SPTBN5: variants seen among roughly 807,000 people sequenced by gnomAD.
SPTBN5 encodes spectrin beta chain, non-erythrocytic 5.
A neutral mutation model predicts 477.6 loss-of-function variants in SPTBN5; 513 were observed. That is an observed-to-expected ratio of 1.07 (90% confidence interval 1.00 to 1.16). The LOEUF (loss-of-function observed/expected upper bound fraction) is 1.16. SPTBN5 is among the 50% of genes most tolerant of loss of function. The pLI, the probability that SPTBN5 is intolerant of heterozygous loss-of-function variation, is 0.00. For synonymous variants in SPTBN5, 2,169 were observed against 2,011.7 expected (o/e 1.08, Z -2.09); for missense variants, 5,062 against 4,731.8 (o/e 1.07, Z -2.05).
chr15:41,881,333 C>A (rs2066945139), intron 12 of SPTBN5, 99 bp from the exon 13 acceptor site: 2 of 973,882 alleles, frequency 2.1e-6, no homozygotes, highest in Non-Finnish European at 3.0e-6. Flanking sequence ...CCTGGAGGCG[C>A]TGAGCTGTAG....
intron 32 of SPTBN5, 23 bp from the exon 33 acceptor site, chr15:41,868,624 A>G: frequency 6.3e-7 from 1 of 1,593,000 alleles, no homozygotes; most frequent in Non-Finnish European, 8.5e-7. Flanking sequence ...ACACGGAGGG[A>G]GAGCCGGGTG....
At chr15:41,890,041 G>A in intron 4 of SPTBN5, 48 bp downstream of exon 4, 1 of 1,299,972 alleles carries the variant, frequency 7.7e-7, no homozygotes, top group Non-Finnish European at 1.1e-6. Flanking sequence ...GGTGAGGCCA[G>A]GGCTGGGCTG....
chr15:41,851,476 A>G (rs1451033810), intron 63 of SPTBN5, 107 bp from the exon 64 acceptor site: 14 of 836,530 alleles, frequency 1.7e-5, no homozygotes, highest in Non-Finnish European at 2.4e-5. Context: ...AAAGCGGTGG[A>G]TTGGACCAAA....
chr15:41,858,019 G>A (rs1197673), intron 49 of SPTBN5, among the ~76,000 whole-genome samples: 43,309 of 152,232 alleles, frequency 0.28, 6,538 homozygotes, highest in Middle Eastern at 0.43. Context: ...GTGCTATGCT[G>A]GGCACAGTGG....
At chr15:41,861,187 C>T (rs2066094062) in intron 46 of SPTBN5, among the ~76,000 whole-genome samples, 2 of 152,322 alleles carry the variant, frequency 1.3e-5, no homozygotes, top group African/African-American at 2.4e-5. Context: ...CAGGCCCACA[C>T]AGGCACTCTA....
At position 41,853,729 on chromosome 15, in the gene SPTBN5, A is replaced by C. The variant is rs758239680; in HGVS notation, c.9833T>G (p.Leu3278Arg). The C allele has an allele frequency of 6.3e-7, 1 of 1,590,130 alleles. No individual in the cohort carries two copies. The highest frequency in any genetic ancestry group is 1.3e-5 in the African/African-American group (1 of 74,576). The change falls in exon 58 of 68, where the codon CTG becomes CGG. Residue 3278 changes from leucine (L) to arginine (R), a missense_variant. By Grantham distance (102) the Leu-to-Arg change is moderately radical (BLOSUM62 -2). Coordinates refer to ENST00000320955, the MANE Select transcript of SPTBN5 (RefSeq NM_016642.4). The stretch of plus-strand genomic sequence containing the variant: ...CGGAGCTGCAGGATGTAGCTGGCCC[A>C]GTCGGCAGGCCTCCGTCTGTAGCCG... ...VARLQTEACR[L>R]GQLHPAAPGG...
chr15:41,853,462 A>G lies in SPTBN5; in HGVS notation c.9981-15T>C. ...GTGCCCATGCTCTGTGGGGCAGGGAAGGGAGCTGTTGTCAGGGCTGGCTGG... is the reference window on the plus strand; with the variant it reads ...GTGCCCATGCTCTGTGGGGCAGGGAGGGGAGCTGTTGTCAGGGCTGGCTGG... On this transcript the variant is annotated splice_polypyrimidine_tract_variant and intron_variant, in intron 58 of 67. Transcript: ENST00000320955. 1.3e-6 allele frequency: 2 copies of G among 1,559,682 alleles called. No individual in the cohort carries two copies. The highest frequency in any genetic ancestry group is 1.7e-6 in the Non-Finnish European group (2 of 1,145,140).
intron 51 of SPTBN5, 55 bp from the exon 52 acceptor site, chr15:41,857,094 G>C: frequency 6.5e-7 from 1 of 1,544,418 alleles, no homozygotes; most frequent in Non-Finnish European, 8.8e-7. Context: ...GTCAGTATTA[G>C]GGATACCTGG....
rs377631263 is a variant in SPTBN5, at chr15:41,859,835, C to T, written c.7988+751G>A. ...TGCAAGAATGGAGAGGGGGTGGCCG[C>T]GACCACTGCCAGGACACCAGCACAA... On this transcript the variant is annotated intron_variant, in intron 47 of 67. Transcript: ENST00000320955. Among the ~76,000 whole-genome samples the T allele has an allele frequency of 1.2e-3, 180 of 152,308 alleles. 1 individual carries two copies. The highest frequency in any genetic ancestry group is 2.6e-3 in the African/African-American group (110 of 41,564).
At position 41,853,371 on chromosome 15, in the gene SPTBN5, G is replaced by A; in HGVS notation, c.10057C>T (p.Leu3353Phe). The A allele has an allele frequency of 6.2e-7, 1 of 1,611,786 alleles. No individual in the cohort carries two copies. The highest frequency in any genetic ancestry group is 1.1e-5 in the South Asian group (1 of 91,024). ...TGCCCCAGCTCTTCATGCTGCCCAAGGAGCTGCTCAGCCCCCGCCACGTCC... is the reference window on the plus strand; with the variant it reads ...TGCCCCAGCTCTTCATGCTGCCCAAAGAGCTGCTCAGCCCCCGCCACGTCC... ...AEDVAGAEQLLGQHEELGQEI... is the reference protein window; with the variant it reads ...AEDVAGAEQLFGQHEELGQEI... The change falls in exon 59 of 68, where the codon CTT (leucine) becomes TTT (phenylalanine). Residue 3353 changes from leucine to phenylalanine, a missense_variant. Coordinates refer to ENST00000320955, the MANE Select transcript of SPTBN5 (RefSeq NM_016642.4).
At chr15:41,878,234 C>G (rs2066812603) in intron 17 of SPTBN5, 108 bp downstream of exon 17, 2 of 1,362,734 alleles carry the variant, frequency 1.5e-6, no homozygotes, top group Admixed American at 2.3e-5. Context: ...CTGGGCCCCT[C>G]CCTGGGGAAA....
chr15:41,851,585 G>GGGGT (rs1555459990), intron 63 of SPTBN5, among the ~76,000 whole-genome samples, 194 bp downstream of exon 63: 3 of 151,230 alleles, frequency 2.0e-5, no homozygotes, highest in Non-Finnish European at 4.4e-5. Flanking sequence ...ACCTCCTGGT[G>GGGGT]GGGGTGGGTA....
chr15:41,851,659 G>T, intron 63 of SPTBN5, 120 bp downstream of exon 63: 1 of 741,258 alleles, frequency 1.3e-6, no homozygotes, highest in South Asian at 1.8e-5. Context: ...ACAGCATGGT[G>T]GGGGGTGGCA....
rs553225181 is a variant in SPTBN5, at chr15:41,851,033, G to A, written c.10835+26C>T. The A allele has an allele frequency of 5.7e-4, 916 of 1,604,246 alleles. 10 individuals are homozygous for A. In the South Asian group the frequency reaches 9.4e-3, roughly 17 times the overall value. ...GAGCCAGGTGGCTGCTGGGGGTGAT[G>A]CCGGAGTCCATGTCTCTCCGCTCAC... On this transcript the variant is annotated intron_variant, in intron 65 of 67. Transcript: ENST00000320955.
At chr15:41,890,241 C>G (rs745565382) in intron 3 of SPTBN5, 36 bp from the exon 4 acceptor site, 1 of 1,496,444 alleles carries the variant, frequency 6.7e-7, no homozygotes, top group Non-Finnish European at 9.2e-7. Flanking sequence ...GCCATGAAGC[C>G]CATGTCCAGA....
In SPTBN5 at chr15:41,872,471, G is replaced by A. The variant is rs1299497552; in HGVS notation, c.5008-12C>T. The A allele has an allele frequency of 6.5e-7, 1 of 1,548,842 alleles. No individual in the cohort carries two copies. On this transcript the variant is annotated splice_polypyrimidine_tract_variant and intron_variant, in intron 26 of 67. Transcript: ENST00000320955. ...TCCTCCTGTAGAGCCTATGATGCAT[G>A]AGGACCCATGCCAGGCTCAGCCTGG... is the stretch of plus-strand genomic sequence containing the variant.
In SPTBN5 at chr15:41,878,566, C is replaced by T. The variant is rs370229164; in HGVS notation, c.3246G>A (p.Gly1082=). The change falls in exon 17 of 68, where the codon GGG becomes GGA. Residue 1082 remains glycine (G), a synonymous_variant. Transcript: ENST00000320955. ...PLQGQVETLQ[G]LLKQVQEQVA... ...CTTGTTCCTGTACTTGCTTCAGCAGCCCCTGCAGTGTCTCCACCTGTCCTT... is the reference window on the plus strand; with the variant it reads ...CTTGTTCCTGTACTTGCTTCAGCAGTCCCTGCAGTGTCTCCACCTGTCCTT... The T allele has an allele frequency of 6.2e-6, 10 of 1,612,682 alleles. No individual in the cohort carries two copies. The highest frequency in any genetic ancestry group is 8.5e-6 in the Non-Finnish European group (10 of 1,179,750).
In SPTBN5 at chr15:41,872,329, C is replaced by G. The variant is rs375012267; in HGVS notation, c.5138G>C (p.Arg1713Pro). 8.7e-6 allele frequency: 14 copies of G among 1,611,016 alleles called. No homozygotes were observed. The highest frequency in any genetic ancestry group is 1.2e-5 in the Non-Finnish European group (14 of 1,179,708). The change falls in exon 27 of 68, where the codon CGG becomes CCG. Residue 1713 changes from arginine (R) to proline (P), a missense_variant. By Grantham distance (103) the Arg-to-Pro change is moderately radical. Transcript: ENST00000320955. ...VVQERLREQLRALQELAATRD... is the reference protein window; with the variant it reads ...VVQERLREQLPALQELAATRD... ...TGTGGCCGCCAACTCCTGCAGTGCC[C>G]GCAGCTGCTCCCGGAGCCTCTCCTG...
At position 41,862,622 on chromosome 15, in the gene SPTBN5, G is replaced by A. The variant is rs1185751120; in HGVS notation, c.7302C>T (p.Ser2434=). 1.9e-6 allele frequency: 3 copies of A among 1,557,402 alleles called. No individual in the cohort carries two copies. Among genetic ancestry groups the A allele is most frequent in the Admixed American group, 3.8e-5 (2 of 52,148 alleles). Residue 2434 remains serine, a synonymous_variant, in exon 43 of 68, where the codon AGC becomes AGT. Transcript: ENST00000320955. ...GCCTGAGGCCGTGGGCTGCCTCGGG[G>A]CTTCTTTGGCAGAGGCGGCCCACTT... is the stretch of plus-strand genomic sequence containing the variant. ...EREVGRLCQR[S]PEAAHGLRHR... is the part of the protein sequence containing the mutation.
Sources: gnomAD v4.1 joint callset for allele counts (sites outside exome capture counted in the v4.1 genomes callset) on GRCh38, gnomAD v4.1.1 for gene constraint, MANE v1.5 for transcripts, NCBI Gene and HGNC (gene_info 2026-07-23, HGNC 2026-07-21) for gene names.